SLC33A2: variants seen among roughly 807,000 people sequenced by gnomAD.
SLC33A2 encodes major facilitator superfamily domain containing 3.
At chr8:144,509,358 G>A in the SLC33A2 span, 3 of 1,475,606 alleles carry the variant, frequency 2.0e-6, no homozygotes, top group Non-Finnish European at 2.7e-6. Context: ...GCTGCCGCTG[G>A]CCGGCCTCTA....
the SLC33A2 span, chr8:144,509,479 C>T: frequency 1.3e-6 from 2 of 1,536,022 alleles, no homozygotes; most frequent in Admixed American, 3.9e-5. Flanking sequence ...CTGTACGCTC[C>T]GTGGCTGCTC....
the SLC33A2 span, chr8:144,510,955 G>A: frequency 6.3e-7 from 1 of 1,599,570 alleles, no homozygotes; most frequent in East Asian, 2.2e-5. Flanking sequence ...GGGGCTGTGT[G>A]GGCCTGACCT....
chr8:144,510,180 G>T, the SLC33A2 span: 1 of 1,271,452 alleles, frequency 7.9e-7, no homozygotes, highest in Non-Finnish European at 1.1e-6. Context: ...CTTGTGTCTT[G>T]TCCGCCCCCA....
At chr8:144,509,210 C>G in the SLC33A2 span, 38 of 1,013,734 alleles carry the variant, frequency 3.7e-5, no homozygotes, top group Non-Finnish European at 4.8e-5. Flanking sequence ...GACGCTGACT[C>G]TGCCCGGTCC....
chr8:144,509,730 G>A, the SLC33A2 span: 3 of 1,568,790 alleles, frequency 1.9e-6, no homozygotes, highest in Non-Finnish European at 2.6e-6. Context: ...GGCCGAACTG[G>A]GGCCGGGCAA....
chr8:144,509,274 C>G, the SLC33A2 span: 1 of 1,411,262 alleles, frequency 7.1e-7, no homozygotes. Flanking sequence ...GAGGGGACCT[C>G]GCCTTGCGGG....
chr8:144,510,568 A>C, the SLC33A2 span: 2 of 1,598,608 alleles, frequency 1.3e-6, no homozygotes, highest in Non-Finnish European at 1.7e-6. Flanking sequence ...CCAATCCACT[A>C]TACTGACCCA....
At chr8:144,510,429 G>A in the SLC33A2 span, 1 of 1,612,910 alleles carries the variant, frequency 6.2e-7, no homozygotes, top group Non-Finnish European at 8.5e-7. Flanking sequence ...CCCGAGTTGG[G>A]ACTGTGGAAT....
the SLC33A2 span, chr8:144,509,605 G>C: frequency 2.6e-6 from 4 of 1,550,136 alleles, no homozygotes; most frequent in Non-Finnish European, 3.5e-6. Context: ...CCCCCTCCTG[G>C]AGCTGGCCAG....
chr8:144,509,295 G>A, the SLC33A2 span: 1 of 1,426,228 alleles, frequency 7.0e-7, no homozygotes, highest in Non-Finnish European at 9.1e-7. Context: ...ACCCCACCTG[G>A]AACCCGACCT....
the SLC33A2 span, chr8:144,509,359 C>T: frequency 2.7e-6 from 4 of 1,475,338 alleles, no homozygotes; most frequent in East Asian, 2.6e-5. Flanking sequence ...CTGCCGCTGG[C>T]CGGCCTCTAC....
At chr8:144,510,175 G>A in the SLC33A2 span, 1 of 1,273,398 alleles carries the variant, frequency 7.9e-7, no homozygotes, top group Non-Finnish European at 1.1e-6. Context: ...TGGGCCTTGT[G>A]TCTTGTCCGC....
At chr8:144,509,362 G>GC in the SLC33A2 span, 2 of 1,489,130 alleles carry the variant, frequency 1.3e-6, no homozygotes, top group Non-Finnish European at 1.8e-6. Flanking sequence ...CCGCTGGCCG[G>GC]CCTCTACCTG....
chr8:144,509,993 C>T, the SLC33A2 span: 1 of 1,595,948 alleles, frequency 6.3e-7, no homozygotes, highest in East Asian at 2.2e-5. Flanking sequence ...GGACGGCAGG[C>T]TTTGTGCTCA....
the SLC33A2 span, chr8:144,510,371 G>A: frequency 1.2e-6 from 2 of 1,612,298 alleles, no homozygotes; most frequent in South Asian, 2.2e-5. Context: ...TGAGCAGGGT[G>A]CCAGCAGCCT....
At chr8:144,510,315 G>C in the SLC33A2 span, 1 of 1,605,026 alleles carries the variant, frequency 6.2e-7, no homozygotes, top group Non-Finnish European at 8.5e-7. Context: ...GGAGGTGGGG[G>C]CAGATATGGA....
chr8:144,509,721 G>C, the SLC33A2 span: 2 of 1,567,690 alleles, frequency 1.3e-6, no homozygotes, highest in Non-Finnish European at 1.7e-6. Context: ...GCTGGAGCCG[G>C]CCGAACTGGG....
At chr8:144,510,848 C>G in the SLC33A2 span, 2 of 1,610,520 alleles carry the variant, frequency 1.2e-6, no homozygotes, top group Non-Finnish European at 1.7e-6. Flanking sequence ...CTGGTCACCA[C>G]AGTCACCTTC....
the SLC33A2 span, chr8:144,510,203 TC>T: frequency 7.6e-7 from 1 of 1,318,294 alleles, no homozygotes; most frequent in Non-Finnish European, 1.0e-6. Flanking sequence ...TCTAGCCCCA[TC>T]CCTGAGCGCT....
Sources: gnomAD v4.1 joint callset for allele counts on GRCh38, gnomAD v4.1.1 for gene constraint, MANE v1.5 for transcripts, NCBI Gene and HGNC (gene_info 2026-07-23, HGNC 2026-07-21) for gene names.